Variants in SYTL3 observed in about 807,000 individuals in gnomAD.
The protein encoded by SYTL3 is synaptotagmin-like protein 3.
A neutral mutation model predicts 82.1 loss-of-function variants in SYTL3; 88 were observed. The observed-to-expected ratio is 1.07, with a 90% CI of 0.90 to 1.28. The LOEUF (loss-of-function observed/expected upper bound fraction) is 1.28. Ranked by LOEUF, SYTL3 falls within the 50% of genes most tolerant of loss-of-function variation. SYTL3 has a pLI of 0.00. For missense variants in SYTL3, 831 were observed against 757.6 expected (o/e 1.10, Z -1.14); for synonymous variants, 311 against 289.4 (o/e 1.07, Z -0.76).
chr6:158,727,711 T>G, intron 11 of SYTL3, among the ~76,000 whole-genome samples: 1 of 149,964 alleles, frequency 6.7e-6, no homozygotes, highest in African/African-American at 2.5e-5. Flanking sequence ...TGAGATGAAG[T>G]CTCCCTCTGT....
chr6:158,657,374 C>T (rs1157629653), intron 2 of SYTL3, among the ~76,000 whole-genome samples: 2 of 130,062 alleles, frequency 1.5e-5, no homozygotes, highest in Non-Finnish European at 3.1e-5. Context: ...TGTAGTGAGG[C>T]GAGATTGCAC....
intron 5 of SYTL3, 79 bp downstream of exon 5, chr6:158,665,692 G>T: frequency 9.3e-7 from 1 of 1,071,610 alleles, no homozygotes; most frequent in South Asian, 1.6e-5. Flanking sequence ...CTCATAAAGA[G>T]AGCACTCACT....
intron 12 of SYTL3, among the ~76,000 whole-genome samples, chr6:158,747,958 A>C (rs1046277721): frequency 5.9e-5 from 9 of 152,082 alleles, no homozygotes; most frequent in Non-Finnish European, 1.2e-4. Context: ...TTTCTTGTAG[A>C]AAGTTTAATA....
intron 10 of SYTL3, 66 bp downstream of exon 10, chr6:158,718,277 C>G: frequency 7.5e-7 from 1 of 1,331,048 alleles, no homozygotes; most frequent in Non-Finnish European, 9.7e-7. Context: ...ACTTTCTAGC[C>G]TGCCTTCTCT....
chr6:158,652,594 G>C (rs552450004), intron 2 of SYTL3, among the ~76,000 whole-genome samples: 1 of 151,952 alleles, frequency 6.6e-6, no homozygotes, highest in East Asian at 1.9e-4. Context: ...ACCCAGGCTG[G>C]AGTGCAATGG....
intron 12 of SYTL3, among the ~76,000 whole-genome samples, chr6:158,750,914 G>C (rs1788305262): frequency 6.6e-6 from 1 of 152,140 alleles, no homozygotes; most frequent in African/African-American, 2.4e-5. Flanking sequence ...TCCTGCCTCA[G>C]CCTCCTGAGT....
intron 2 of SYTL3, among the ~76,000 whole-genome samples, chr6:158,656,579 G>T (rs1048041451): frequency 6.6e-6 from 1 of 152,172 alleles, no homozygotes; most frequent in Non-Finnish European, 1.5e-5. Context: ...CAAAAAATTA[G>T]CCGGGCATGG....
upstream of SYTL3, among the ~76,000 whole-genome samples, chr6:158,648,530 G>C (rs1348779231): frequency 6.6e-6 from 1 of 150,618 alleles, no homozygotes; most frequent in Non-Finnish European, 1.5e-5. Context: ...GGCGGAGCTT[G>C]CAGTGAGCCG....
chr6:158,749,507 C>CTTTTTTTTTTTT (rs765386344), intron 12 of SYTL3, among the ~76,000 whole-genome samples: 4 of 66,024 alleles, frequency 6.1e-5, no homozygotes, highest in Non-Finnish European at 8.3e-5. Context: ...TTCTTTCTCT[C>CTTTTTTTTTTTT]TTTTTTTTTT....
intron 8 of SYTL3, among the ~76,000 whole-genome samples, chr6:158,712,645 C>T (rs544065714): frequency 1.1e-4 from 17 of 152,144 alleles, no homozygotes; most frequent in African/African-American, 2.6e-4. Context: ...GATCTTTCAT[C>T]GTTTAGGATT....
intron 11 of SYTL3, among the ~76,000 whole-genome samples, 198 bp from the exon 12 acceptor site, chr6:158,745,282 T>C (rs1787473618): frequency 1.0e-5 from 1 of 100,222 alleles, no homozygotes; most frequent in African/African-American, 4.8e-5. Context: ...AGAGAGGGCC[T>C]TCTGAGGATT....
intron 6 of SYTL3, among the ~76,000 whole-genome samples, chr6:158,699,822 C>T (rs1480694378): frequency 6.6e-6 from 1 of 151,678 alleles, no homozygotes; most frequent in Admixed American, 6.6e-5. Context: ...GTGGTGTGCA[C>T]CTGTTATCCC....
chr6:158,681,546 C>T (rs1361287908), intron 5 of SYTL3, among the ~76,000 whole-genome samples: 2 of 151,998 alleles, frequency 1.3e-5, no homozygotes, highest in African/African-American at 4.8e-5. Flanking sequence ...GGTGTGGTGG[C>T]GGGCACCTGT....
intron 12 of SYTL3, among the ~76,000 whole-genome samples, chr6:158,749,060 A>G (rs1788021564): frequency 6.6e-6 from 1 of 151,684 alleles, no homozygotes; most frequent in Non-Finnish European, 1.5e-5. Flanking sequence ...CGTCTCTACT[A>G]AAAATACAGA....
chr6:158,669,196 T>A (rs899091110), intron 5 of SYTL3, among the ~76,000 whole-genome samples: 2 of 152,056 alleles, frequency 1.3e-5, no homozygotes, highest in Non-Finnish European at 2.9e-5. Context: ...AGATTAACCT[T>A]GATGATTTAT....
At chr6:158,750,202 C>G (rs1176732159) in intron 12 of SYTL3, among the ~76,000 whole-genome samples, 1 of 152,034 alleles carries the variant, frequency 6.6e-6, no homozygotes, top group African/African-American at 2.4e-5. Flanking sequence ...GAAAACTAAG[C>G]AGTACATTGT....
chr6:158,707,175 C>T, intron 6 of SYTL3, 55 bp from the exon 7 acceptor site: 2 of 1,521,388 alleles, frequency 1.3e-6, no homozygotes, highest in South Asian at 1.1e-5. Flanking sequence ...CCTGTATTTA[C>T]ATTAGCTAAG....
At chr6:158,738,445 A>G (rs921845022) in intron 11 of SYTL3, among the ~76,000 whole-genome samples, 2 of 152,104 alleles carry the variant, frequency 1.3e-5, no homozygotes, top group Non-Finnish European at 2.9e-5. Context: ...CCCGCAATAG[A>G]AGAAGCTGAT....
intron 13 of SYTL3, 67 bp from the exon 14 acceptor site, chr6:158,757,144 A>C (rs543903028): frequency 3.3e-6 from 5 of 1,494,768 alleles, no homozygotes; most frequent in East Asian, 2.3e-5. Context: ...GGTGGGGTCC[A>C]GAGATGGGGA....
Sources: allele counts gnomAD v4.1 joint callset (sites outside exome capture counted in the v4.1 genomes callset), GRCh38; gene constraint gnomAD v4.1.1; transcripts MANE v1.5; gene names NCBI Gene and HGNC (gene_info 2026-07-23, HGNC 2026-07-21).